STARD13: variants seen among roughly 807,000 people sequenced by gnomAD.
The protein encoded by STARD13 is stAR-related lipid transfer protein 13.
In STARD13, 62 loss-of-function variants were observed where a neutral mutation model predicts 106.4. The observed-to-expected ratio is 0.58, with a 90% confidence interval of 0.48 to 0.72. The LOEUF (loss-of-function observed/expected upper bound fraction) is 0.72, where lower values mean the gene tolerates loss of function less well. Ranked by LOEUF, STARD13 falls within the 30% of genes least tolerant of loss-of-function variation. STARD13 has a pLI of 0.00. For missense variants in STARD13, 1,387 were observed against 1,424.0 expected (o/e 0.97, Z 0.42); for synonymous variants, 565 against 553.0 (o/e 1.02, Z -0.31).
the STARD13 span, among the ~76,000 whole-genome samples, chr13:33,664,475 T>G: frequency 2.0e-5 from 3 of 152,190 alleles, no homozygotes; most frequent in African/African-American, 7.2e-5. Context: ...TTTTAATGCA[T>G]TCACAGTTTG....
At chr13:33,615,526 A>G in the STARD13 span, among the ~76,000 whole-genome samples, 3 of 152,234 alleles carry the variant, frequency 2.0e-5, no homozygotes, top group African/African-American at 7.2e-5. Flanking sequence ...GGCTCCCAGA[A>G]TAGCACAGAG....
chr13:33,356,321 G>A, the STARD13 span, among the ~76,000 whole-genome samples: 3 of 152,208 alleles, frequency 2.0e-5, no homozygotes, highest in Non-Finnish European at 4.4e-5. Flanking sequence ...TGTTATGACT[G>A]TCTTAGTATA....
the STARD13 span, among the ~76,000 whole-genome samples, chr13:33,626,727 A>G: frequency 6.6e-6 from 1 of 152,200 alleles, no homozygotes; most frequent in Non-Finnish European, 1.5e-5. Flanking sequence ...GTGGTGCTAT[A>G]TGCCAGCAGG....
At chr13:33,500,188 G>A in the STARD13 span, among the ~76,000 whole-genome samples, 1 of 152,108 alleles carries the variant, frequency 6.6e-6, no homozygotes, top group East Asian at 1.9e-4. Context: ...ATTTGGGAAG[G>A]AGGGACACGA....
At chr13:33,455,217 A>C in the STARD13 span, among the ~76,000 whole-genome samples, 1 of 152,230 alleles carries the variant, frequency 6.6e-6, no homozygotes, top group African/African-American at 2.4e-5. Flanking sequence ...CTGAGAGCAG[A>C]CACAAGCCTC....
At position 33,130,151 on chromosome 13, in the gene STARD13, C is replaced by G. The variant is rs1365003933; in HGVS notation, c.526G>C (p.Gly176Arg). The change falls in exon 5 of 14, where the codon GGG becomes CGG. Residue 176 changes from glycine to arginine, a missense_variant. Transcript: ENST00000336934. This position sits in a 1 kb window ranked among gnomAD's most constrained non-coding sequence, Gnocchi z 4.1. ...TCACTGCTGGTCGTGTTCCTCATCC[C>G]CGTGCCTCCCGGTGACCCATTTCTG... is the stretch of plus-strand genomic sequence containing the variant. ...GDRNGSPGGT[G>R]MRNTTSSESV... 1 of 1,614,014 alleles carries G rather than the reference C, an allele frequency of 6.2e-7. No homozygotes were observed. The highest frequency in any genetic ancestry group is 1.3e-5 in the African/African-American group (1 of 74,924).
intron 1 of STARD13, among the ~76,000 whole-genome samples, chr13:33,212,036 A>C (rs1887754499): frequency 6.6e-6 from 1 of 150,724 alleles, no homozygotes; most frequent in South Asian, 2.1e-4. Context: ...TTTTCAAATA[A>C]ACAAATAAGA....
chr13:33,243,567 C>A (rs541733193), intron 1 of STARD13, among the ~76,000 whole-genome samples: 2 of 152,120 alleles, frequency 1.3e-5, no homozygotes, highest in South Asian at 2.1e-4. Flanking sequence ...AAAAATGATA[C>A]CTCTAGCAAC....
At chr13:33,385,233 ATATATATATATATATATATATATATG>A in the STARD13 span, among the ~76,000 whole-genome samples, 1 of 120,696 alleles carries the variant, frequency 8.3e-6, no homozygotes, top group South Asian at 2.6e-4. Flanking sequence ...ATATATATAT[ATATATATATATATATATATATATATG>A]TAGAAAACAG....
Position 33,130,434 on chromosome 13 carries a change from T to G in STARD13, c.388-145A>C. The G allele has an allele frequency of 1.4e-6, 1 of 727,052 alleles. No individual in the cohort carries two copies. Among genetic ancestry groups the G allele is most frequent in the Non-Finnish European group, 2.2e-6 (1 of 446,952 alleles). 45.0% of individuals were successfully genotyped at this position (727,052 alleles called of 1,614,324 possible). A position where few individuals can be genotyped will look rare whatever the true frequency, so the allele number is the denominator to read the frequency against. ...CAGGTGTGAGCTTCTTGGGCACCTC[T>G]AAGCTGTCCTTCTACCACTTGCACT... is the stretch of plus-strand genomic sequence containing the variant. On this transcript the variant is annotated intron_variant, in intron 4 of 13. Transcript: ENST00000336934. This position sits in a 1 kb window ranked among gnomAD's most constrained non-coding sequence, Gnocchi z 4.1.
the STARD13 span, among the ~76,000 whole-genome samples, chr13:33,570,717 G>T: frequency 2.6e-5 from 4 of 152,140 alleles, no homozygotes; most frequent in South Asian, 2.1e-4. Flanking sequence ...TTCTTTAGAT[G>T]CGTTTAACGG....
At chr13:33,256,304 G>T (rs1342804953) in intron 1 of STARD13, among the ~76,000 whole-genome samples, 2 of 152,152 alleles carry the variant, frequency 1.3e-5, no homozygotes, top group Non-Finnish European at 2.9e-5. Context: ...TCCTGAGAGG[G>T]CTCCTGCTGG....
chr13:33,464,024 C>CAT, the STARD13 span, among the ~76,000 whole-genome samples: 3,136 of 112,510 alleles, frequency 0.028, 135 homozygotes, highest in African/African-American at 0.077. Flanking sequence ...AAAAAAAATA[C>CAT]ATATATATAT....
chr13:33,441,347 T>G, the STARD13 span, among the ~76,000 whole-genome samples: 1 of 152,226 alleles, frequency 6.6e-6, no homozygotes, highest in Non-Finnish European at 1.5e-5. Context: ...AAAATCAATG[T>G]GATCACTTCA....
chr13:33,386,880 A>C, the STARD13 span, among the ~76,000 whole-genome samples: 1 of 151,884 alleles, frequency 6.6e-6, no homozygotes, highest in Non-Finnish European at 1.5e-5. Flanking sequence ...CTTAATTTAA[A>C]CTTTTTTAAA....
At chr13:33,155,557 A>G (rs932259474) in intron 3 of STARD13, 1 of 152,210 alleles carries the variant, frequency 6.6e-6, no homozygotes, top group African/African-American at 2.4e-5. Context: ...CTGATTTTGT[A>G]TCTTCTTACA....
intron 1 of STARD13, among the ~76,000 whole-genome samples, chr13:33,174,517 C>A (rs768561721): frequency 6.6e-6 from 1 of 152,174 alleles, no homozygotes; most frequent in Admixed American, 6.5e-5. Context: ...ACCCAACCAC[C>A]TTTCCTGCTC....
At chr13:33,239,034 C>G (rs942313883) in intron 1 of STARD13, among the ~76,000 whole-genome samples, 2 of 151,742 alleles carry the variant, frequency 1.3e-5, no homozygotes, top group Non-Finnish European at 2.9e-5. Context: ...CCCCATTTCC[C>G]CCTCCCCCCC....
At chr13:33,151,714 G>C (rs1881303300) in intron 3 of STARD13, among the ~76,000 whole-genome samples, 1 of 152,240 alleles carries the variant, frequency 6.6e-6, no homozygotes, top group Admixed American at 6.5e-5. Flanking sequence ...GAAGGATTTA[G>C]ACAGGAGCGT....
Sources: allele counts gnomAD v4.1 joint callset (sites outside exome capture counted in the v4.1 genomes callset), GRCh38; gene constraint gnomAD v4.1.1; non-coding constraint Gnocchi (gnomAD v3.1); transcripts MANE v1.5; gene names NCBI Gene and HGNC (gene_info 2026-07-23, HGNC 2026-07-21).